The following ALCAM variants were observed in gnomAD, a reference collection of about 807,000 sequenced individuals.
ALCAM encodes the protein activated leukocyte cell adhesion molecule, also known as CD166 antigen.
A neutral mutation model predicts 70.9 loss-of-function variants in ALCAM; 30 were observed. The observed-to-expected ratio is 0.42, with a 90% CI of 0.32 to 0.57. The LOEUF is 0.57. Ranked by LOEUF, ALCAM falls within the 20% of genes least tolerant of loss-of-function variation. The pLI, the probability that ALCAM is intolerant of heterozygous loss-of-function variation, is 0.11. For missense variants in ALCAM, 591 were observed against 695.1 expected, an observed-to-expected ratio of 0.85 and a Z score of 1.68; for synonymous variants, 249 against 242.5, an observed-to-expected ratio of 1.03 and a Z score of -0.25.
intron 3 of ALCAM, among the ~76,000 whole-genome samples, chr3:105,529,016 C>A (rs1231991739): frequency 2.0e-5 from 3 of 152,222 alleles, no homozygotes; most frequent in Admixed American, 2.0e-4. Context: ...CACGCACACA[C>A]ACACACACCT....
At chr3:105,443,212 T>C (rs550463573) in intron 1 of ALCAM, among the ~76,000 whole-genome samples, 2 of 152,306 alleles carry the variant, frequency 1.3e-5, no homozygotes, top group South Asian at 4.1e-4. Context: ...GAAAATGAAA[T>C]GGAAACATTA....
At chr3:105,509,711 G>A (rs73192710) in intron 1 of ALCAM, among the ~76,000 whole-genome samples, 14,392 of 151,910 alleles carry the variant, frequency 0.095, 883 homozygotes, top group East Asian at 0.22. Context: ...CTGCTGTGTA[G>A]AAGCTTTTTA....
At chr3:105,550,048 A>AT (rs1940354196) in intron 11 of ALCAM, 79 bp from the exon 12 acceptor site, 1 of 1,365,188 alleles carries the variant, frequency 7.3e-7, no homozygotes, top group African/African-American at 1.5e-5. Flanking sequence ...CGCCTATCCT[A>AT]TTACAGTCAT....
chr3:105,462,388 G>A (rs1937615917), intron 1 of ALCAM, among the ~76,000 whole-genome samples: 1 of 151,328 alleles, frequency 6.6e-6, no homozygotes, highest in African/African-American at 2.4e-5. Flanking sequence ...CCAAATCTTT[G>A]ATTATATATT....
At chr3:105,477,534 T>C (rs1938153702) in intron 1 of ALCAM, among the ~76,000 whole-genome samples, 2 of 152,126 alleles carry the variant, frequency 1.3e-5, no homozygotes, top group African/African-American at 2.4e-5. Context: ...TTTTCTGTCT[T>C]TGTTTTTTAG....
chr3:105,540,120 A>T lies in ALCAM; in HGVS notation c.858+18A>T, dbSNP rs761853010. 1.9e-6 allele frequency: 3 copies of T among 1,605,704 alleles called. No individual in the cohort carries two copies. Among genetic ancestry groups the T allele is most frequent in the African/African-American group, 2.7e-5 (2 of 74,560 alleles). ...ACTTACCAGTAAGTGCTTAAGTATT[A>T]CTTCAGTTGGATGACTATCATTTTT... On this transcript the variant is annotated intron_variant, in intron 7 of 15. Coordinates refer to ENST00000306107, the MANE Select transcript of ALCAM (RefSeq NM_001627.4).
Position 105,472,481 on chromosome 3 carries a change from C to T in ALCAM, c.74-47586C>T, listed in dbSNP as rs143797005. ...TAAGGTTATCATTTCTGCTGTGAAG[C>T]AGGACACCAGCAGCTAGCACCCTCT... On this transcript the variant is annotated intron_variant, in intron 1 of 15. Coordinates refer to ENST00000306107, the MANE Select transcript of ALCAM (RefSeq NM_001627.4). 1.5e-3 allele frequency among the ~76,000 whole-genome samples: 221 copies of T among 151,618 alleles called. 1 individual carries two copies. The highest frequency in any genetic ancestry group is 2.6e-3 in the Non-Finnish European group (176 of 67,630).
At chr3:105,520,533 A>G (rs551437365) in intron 2 of ALCAM, among the ~76,000 whole-genome samples, 1 of 152,320 alleles carries the variant, frequency 6.6e-6, no homozygotes, top group Non-Finnish European at 1.5e-5. Context: ...TGATGTGGTT[A>G]TTGCAAAGAC....
At chr3:105,540,384 C>T (rs1474573436) in intron 7 of ALCAM, among the ~76,000 whole-genome samples, 1 of 151,906 alleles carries the variant, frequency 6.6e-6, no homozygotes, top group Non-Finnish European at 1.5e-5. Context: ...GAATCTGCTC[C>T]TCAGAAGCAG....
chr3:105,414,472 A>G (rs1173615182), intron 1 of ALCAM, among the ~76,000 whole-genome samples: 1 of 152,048 alleles, frequency 6.6e-6, no homozygotes, highest in African/African-American at 2.4e-5. Context: ...TGTGAGATAG[A>G]ATAGGAATAC....
intron 1 of ALCAM, among the ~76,000 whole-genome samples, chr3:105,443,365 T>G (rs1489039997): frequency 6.6e-6 from 1 of 152,222 alleles, no homozygotes; most frequent in African/African-American, 2.4e-5. Flanking sequence ...ATTTCCATTG[T>G]GTTGAAAACC....
intron 1 of ALCAM, among the ~76,000 whole-genome samples, chr3:105,422,641 A>G (rs902063430): frequency 5.3e-4 from 80 of 151,514 alleles, no homozygotes; most frequent in African/African-American, 1.9e-3. Context: ...ATTATGGTAC[A>G]GTATTGGATT....
At chr3:105,378,629 GT>G (rs5851455) in intron 1 of ALCAM, among the ~76,000 whole-genome samples, 102,524 of 134,810 alleles carry the variant, frequency 0.76, 38,517 homozygotes, top group East Asian at 0.94. Context: ...TTCTCAAATA[GT>G]TTTTTTTTTT....
intron 1 of ALCAM, among the ~76,000 whole-genome samples, chr3:105,471,403 G>A (rs1468107905): frequency 6.6e-6 from 1 of 151,260 alleles, no homozygotes; most frequent in East Asian, 1.9e-4. Flanking sequence ...ACAAAAAAGT[G>A]CACAAATGGA....
chr3:105,469,364 C>T (rs1285437387), intron 1 of ALCAM, among the ~76,000 whole-genome samples: 2 of 151,198 alleles, frequency 1.3e-5, no homozygotes, highest in African/African-American at 4.8e-5. Context: ...TCTTCTCCCT[C>T]CAATTCTCTC....
rs747586605 is a variant in ALCAM, at chr3:105,575,502, T to C, written c.*1051T>C. On this transcript the variant is annotated 3_prime_UTR_variant, in exon 16 of 16. Coordinates refer to ENST00000306107, the MANE Select transcript of ALCAM (RefSeq NM_001627.4). ...GTTTTTGTTAACTACCCTACAGATA[T>C]TGAATGCACCTTGAGATAATTTAGT... 13 of 152,578 alleles carry C rather than the reference T, an allele frequency of 8.5e-5. No individual in the cohort carries two copies. The highest frequency in any genetic ancestry group is 1.5e-4 in the Non-Finnish European group (10 of 68,018). 9.5% of individuals were successfully genotyped at this position (152,578 alleles called of 1,614,324 possible). A position where few individuals can be genotyped will look rare whatever the true frequency, so the allele number is the denominator to read the frequency against.
chr3:105,398,541 C>T (rs768229298), intron 1 of ALCAM, among the ~76,000 whole-genome samples: 2 of 151,996 alleles, frequency 1.3e-5, no homozygotes, highest in African/African-American at 2.4e-5. Context: ...GGTAGCCATC[C>T]AGTTTTCCAT....
At chr3:105,370,460 A>G (rs1425948937) in intron 1 of ALCAM, among the ~76,000 whole-genome samples, 1 of 152,194 alleles carries the variant, frequency 6.6e-6, no homozygotes, top group African/African-American at 2.4e-5. Context: ...TTTCTCATAC[A>G]AAATAAAAAG....
At chr3:105,534,333 C>A (rs1192159371) in intron 5 of ALCAM, among the ~76,000 whole-genome samples, 1 of 152,138 alleles carries the variant, frequency 6.6e-6, no homozygotes, top group Admixed American at 6.6e-5. Context: ...TGCTCTGTTA[C>A]TTTAAGTATG....
Sources: gnomAD v4.1 joint callset for allele counts (sites outside exome capture counted in the v4.1 genomes callset) on GRCh38, gnomAD v4.1.1 for gene constraint, MANE v1.5 for transcripts, NCBI Gene and HGNC (gene_info 2026-07-23, HGNC 2026-07-21) for gene names.